RAD51B: variants seen among roughly 807,000 people sequenced by gnomAD.
RAD51B encodes DNA repair protein RAD51 homolog 2.
A neutral mutation model predicts 42.2 loss-of-function variants in RAD51B; 38 were observed. The observed-to-expected ratio is 0.90, with a 90% CI of 0.70 to 1.18. The LOEUF (loss-of-function observed/expected upper bound fraction) is 1.18. Ranked by LOEUF, RAD51B falls within the 50% of genes most tolerant of loss-of-function variation. The pLI is 0.00. For missense variants in RAD51B, 373 were observed against 400.7 expected (o/e 0.93, Z 0.59); for synonymous variants, 154 against 145.2 (o/e 1.06, Z -0.43).
At chr14:68,167,002 A>G (rs916527759) in intron 7 of RAD51B, among the ~76,000 whole-genome samples, 3 of 152,158 alleles carry the variant, frequency 2.0e-5, no homozygotes, top group South Asian at 2.1e-4. Flanking sequence ...GGCAGCTGCA[A>G]TTGTCTTCCT....
At chr14:68,238,404 A>G (rs2080311599) in intron 7 of RAD51B, among the ~76,000 whole-genome samples, 1 of 151,966 alleles carries the variant, frequency 6.6e-6, no homozygotes, top group South Asian at 2.1e-4. Flanking sequence ...GGGCTCAAGC[A>G]GTTCTCTCAC....
intron 10 of RAD51B, among the ~76,000 whole-genome samples, chr14:68,542,743 G>A (rs1888032927): frequency 6.6e-6 from 1 of 152,088 alleles, no homozygotes; most frequent in African/African-American, 2.4e-5. Flanking sequence ...AAATTCTAAT[G>A]GATCATCTTG....
intron 10 of RAD51B, among the ~76,000 whole-genome samples, chr14:68,491,963 C>T (rs924204526): frequency 6.6e-6 from 1 of 152,240 alleles, no homozygotes; most frequent in African/African-American, 2.4e-5. Context: ...CCGATTCCAG[C>T]GGCACCTGCT....
At chr14:67,936,706 A>G (rs1383384610) in intron 7 of RAD51B, among the ~76,000 whole-genome samples, 1 of 152,212 alleles carries the variant, frequency 6.6e-6, no homozygotes, top group African/African-American at 2.4e-5. Context: ...GCAGCGAGCT[A>G]GGGTTCCAGT....
At chr14:68,611,483 T>C (rs1389887744) in exon 11 of RAD51B, 2 of 545,690 alleles carry the variant, frequency 3.7e-6, no homozygotes, top group Non-Finnish European at 6.6e-6. Context: ...TTCTGCAGAG[T>C]GATTAGAGCT....
chr14:68,073,974 A>C (rs776965906), intron 7 of RAD51B, among the ~76,000 whole-genome samples: 1 of 151,956 alleles, frequency 6.6e-6, no homozygotes, highest in Non-Finnish European at 1.5e-5. Flanking sequence ...TCTCACATTG[A>C]TGTTGGAGGA....
At chr14:68,188,607 T>A (rs2079203361) in intron 7 of RAD51B, among the ~76,000 whole-genome samples, 1 of 152,212 alleles carries the variant, frequency 6.6e-6, no homozygotes, top group East Asian at 1.9e-4. Context: ...ATCAAAGCAA[T>A]TTTTTCCACA....
At chr14:68,105,859 T>C (rs1247280762) in intron 7 of RAD51B, among the ~76,000 whole-genome samples, 4 of 152,004 alleles carry the variant, frequency 2.6e-5, no homozygotes, top group Non-Finnish European at 5.9e-5. Flanking sequence ...TTATATACCT[T>C]CTATTTATTG....
rs553929885 is a variant in RAD51B, at chr14:68,396,210, A to G, written c.854-15214A>G. Among the ~76,000 whole-genome samples, 3 of 152,326 alleles carry G rather than the reference A, an allele frequency of 2.0e-5. No homozygotes were observed. In the South Asian group the frequency reaches 6.2e-4, roughly 32 times the overall value. ...GGGCAACACTAGAGATATACTTCGT[A>G]TGGTCGTTGAGACAATTAAGAGATT... On this transcript the variant is annotated intron_variant, in intron 8 of 10. Transcript: ENST00000471583.
chr14:68,421,223 T>G (rs1170821897), intron 9 of RAD51B, among the ~76,000 whole-genome samples: 2 of 152,106 alleles, frequency 1.3e-5, no homozygotes, highest in African/African-American at 4.8e-5. Flanking sequence ...TGTGTGAGAT[T>G]TGAAAGCTTA....
chr14:67,835,296 A>G, intron 4 of RAD51B, 100 bp downstream of exon 4: 1 of 869,618 alleles, frequency 1.1e-6, no homozygotes, highest in Non-Finnish European at 1.9e-6. Flanking sequence ...TGGAACGGTA[A>G]TCTGAATTAA....
chr14:68,183,960 C>T (rs549697937), intron 7 of RAD51B, among the ~76,000 whole-genome samples: 8 of 119,804 alleles, frequency 6.7e-5, no homozygotes, highest in East Asian at 2.6e-4. Flanking sequence ...GGCGTGGTGG[C>T]GGGCACCTGT....
chr14:68,656,661 C>T (rs934620568), intron 11 of RAD51B, among the ~76,000 whole-genome samples: 10 of 152,174 alleles, frequency 6.6e-5, no homozygotes, highest in Non-Finnish European at 8.8e-5. Context: ...GACCGCAGGC[C>T]GGCAGTGTGA....
chr14:68,634,545 TC>T (rs1892302982), intron 10 of RAD51B, among the ~76,000 whole-genome samples: 1 of 151,840 alleles, frequency 6.6e-6, no homozygotes, highest in Non-Finnish European at 1.5e-5. Context: ...TTACCTGCCC[TC>T]CCCCAGTGGC....
chr14:68,273,544 G>C (rs1248321886), intron 7 of RAD51B, among the ~76,000 whole-genome samples: 1 of 152,184 alleles, frequency 6.6e-6, no homozygotes. Flanking sequence ...GGAGTTAAGT[G>C]ATTCAAATGC....
Position 67,985,565 on chromosome 14 carries a change from C to T in RAD51B, c.756+98361C>T, listed in dbSNP as rs868242834. 2.6e-5 allele frequency among the ~76,000 whole-genome samples: 4 copies of T among 152,144 alleles called. No homozygotes were observed. The South Asian group carries it at 8.3e-4, about 32-fold the overall frequency. On this transcript the variant is annotated intron_variant, in intron 7 of 10. Coordinates refer to ENST00000471583, the MANE Select transcript of RAD51B (RefSeq NM_133510.4). ...CATGTCTATTTAGTTTCCTTTAATA[C>T]AGCAGCTTTTTAGCTTTTCCTTGAC...
intron 5 of RAD51B, among the ~76,000 whole-genome samples, chr14:67,875,366 G>C (rs2042691812): frequency 6.6e-6 from 1 of 152,148 alleles, no homozygotes; most frequent in Non-Finnish European, 1.5e-5. Context: ...TCACCTCTCA[G>C]GGTGCCAAGT....
chr14:68,214,297 TAGCAGGAG>T (rs2079770209), intron 7 of RAD51B, among the ~76,000 whole-genome samples: 1 of 152,180 alleles, frequency 6.6e-6, no homozygotes, highest in South Asian at 2.1e-4. Flanking sequence ...AATGTTACTC[TAGCAGGAG>T]GCCACTCATG....
chr14:68,004,132 C>T lies in RAD51B; in HGVS notation c.756+116928C>T, dbSNP rs539793289. Among the ~76,000 whole-genome samples the T allele has an allele frequency of 5.3e-5, 8 of 152,014 alleles. No homozygotes were observed. The South Asian group carries it at 1.5e-3, about 28-fold the overall frequency. On this transcript the variant is annotated intron_variant, in intron 7 of 10. Transcript: ENST00000471583. ...GATCACAAGGTCTGGAGATCAAGAC[C>T]ATCCTGGCTGACACGGTGAAACCCT...
Sources: gnomAD v4.1 joint callset for allele counts (sites outside exome capture counted in the v4.1 genomes callset) on GRCh38, gnomAD v4.1.1 for gene constraint, MANE v1.5 for transcripts, NCBI Gene and HGNC (gene_info 2026-07-23, HGNC 2026-07-21) for gene names.